LRRC4C: variants seen among roughly 807,000 people sequenced by gnomAD.
LRRC4C encodes leucine rich repeat containing 4C, also known as leucine-rich repeat-containing protein 4C.
In LRRC4C, 5 loss-of-function variants were observed where a neutral mutation model predicts 33.6. The ratio of observed to expected loss-of-function variants is 0.15; its 90% CI spans 0.08 to 0.31. The LOEUF (loss-of-function observed/expected upper bound fraction) is 0.31, where lower values mean the gene tolerates loss of function less well. Among genes scored for constraint, LRRC4C ranks in the 10% least tolerant of loss-of-function variants. The pLI is 1.00. For missense variants in LRRC4C, 560 were observed against 796.7 expected (o/e 0.70, Z 3.58); for synonymous variants, 329 against 302.0 (o/e 1.09, Z -0.93).
At chr11:41,078,437 T>C (rs191640599) in intron 1 of LRRC4C, among the ~76,000 whole-genome samples, 413 of 152,250 alleles carry the variant, frequency 2.7e-3, no homozygotes, top group Non-Finnish European at 4.6e-3. Flanking sequence ...AGAAAAGAGA[T>C]TTAATTGACT....
rs117509441 is a variant in LRRC4C at position 40,348,637 on chromosome 11, A to G, written c.-269-28916T>C. On this transcript the variant is annotated intron_variant, in intron 3 of 6. Coordinates refer to ENST00000528697, the MANE Select transcript of LRRC4C (RefSeq NM_001258419.2). ...GCTCCCAGCATCTTAGACAACAGCT[A>G]ATGAGCCTCCACCCTGCCTTCTTCA... Among the ~76,000 whole-genome samples the G allele has an allele frequency of 4.3e-3, 654 of 152,286 alleles. 6 individuals are homozygous for G. The highest frequency in any genetic ancestry group is 7.0e-3 in the Non-Finnish European group (475 of 68,034).
At chr11:40,618,286 G>A (rs914063000) in intron 3 of LRRC4C, among the ~76,000 whole-genome samples, 1 of 151,558 alleles carries the variant, frequency 6.6e-6, no homozygotes, top group Non-Finnish European at 1.5e-5. Context: ...GCCATATGAT[G>A]ATGGAGGCAG....
At chr11:41,362,292 A>G (rs998885473) in intron 1 of LRRC4C, among the ~76,000 whole-genome samples, 1 of 151,868 alleles carries the variant, frequency 6.6e-6, no homozygotes, top group Non-Finnish European at 1.5e-5. Flanking sequence ...GTGCTAAAAG[A>G]AAAAAACATT....
intron 1 of LRRC4C, among the ~76,000 whole-genome samples, chr11:41,222,077 A>G (rs1947332682): frequency 6.6e-6 from 1 of 152,206 alleles, no homozygotes; most frequent in Non-Finnish European, 1.5e-5. Flanking sequence ...TGGGCTAGAA[A>G]TAGGAGCTTG....
intron 1 of LRRC4C, among the ~76,000 whole-genome samples, chr11:41,408,163 G>A (rs1016754239): frequency 6.6e-6 from 1 of 152,148 alleles, no homozygotes; most frequent in Non-Finnish European, 1.5e-5. Flanking sequence ...GTAATAGCAA[G>A]CAAAGCTAAA....
At chr11:40,591,642 T>TA (rs1332170176) in intron 3 of LRRC4C, among the ~76,000 whole-genome samples, 1 of 152,198 alleles carries the variant, frequency 6.6e-6, no homozygotes, top group African/African-American at 2.4e-5. Context: ...AAATAGCAAA[T>TA]AATTTTGTGT....
intron 5 of LRRC4C, among the ~76,000 whole-genome samples, chr11:40,218,866 T>C (rs1322883772): frequency 6.6e-6 from 1 of 152,036 alleles, no homozygotes; most frequent in Non-Finnish European, 1.5e-5. Flanking sequence ...GCATCCACAC[T>C]GGCCTCCATG....
chr11:41,020,740 C>G (rs1457990880), intron 1 of LRRC4C, among the ~76,000 whole-genome samples: 1 of 152,198 alleles, frequency 6.6e-6, no homozygotes, highest in African/African-American at 2.4e-5. Context: ...AAGAAACTAA[C>G]ACACCTGTCT....
intron 3 of LRRC4C, among the ~76,000 whole-genome samples, chr11:40,435,295 C>A (rs1371810467): frequency 6.6e-6 from 1 of 152,182 alleles, no homozygotes; most frequent in East Asian, 1.9e-4. Context: ...CTGTGCCCAA[C>A]CATTTAAACT....
At chr11:41,408,755 A>AAAAAAAAAAAAAAAAAAAAC (rs1191106845) in intron 1 of LRRC4C, among the ~76,000 whole-genome samples, 11 of 148,102 alleles carry the variant, frequency 7.4e-5, no homozygotes, top group African/African-American at 2.9e-4. Context: ...TGTAAAAAAA[A>AAAAAAAAAAAAAAAAAAAAC]AAAAAAAAAA....
intron 2 of LRRC4C, among the ~76,000 whole-genome samples, chr11:40,717,675 T>C (rs990178568): frequency 6.6e-6 from 1 of 152,060 alleles, no homozygotes; most frequent in Non-Finnish European, 1.5e-5. Context: ...CCCCGTGTAG[T>C]CTTCTCAGCC....
At chr11:40,870,600 A>C (rs1253585686) in intron 2 of LRRC4C, among the ~76,000 whole-genome samples, 1 of 152,202 alleles carries the variant, frequency 6.6e-6, no homozygotes, top group Non-Finnish European at 1.5e-5. Flanking sequence ...CAATCTCTGA[A>C]CATAAATTGT....
chr11:40,818,034 G>C (rs1411512399), intron 2 of LRRC4C, among the ~76,000 whole-genome samples: 1 of 152,070 alleles, frequency 6.6e-6, no homozygotes, highest in Non-Finnish European at 1.5e-5. Flanking sequence ...TCTTTATTGA[G>C]TAGTTGCCTT....
chr11:40,640,895 A>C (rs2136085618), intron 3 of LRRC4C, among the ~76,000 whole-genome samples: 1 of 151,872 alleles, frequency 6.6e-6, no homozygotes, highest in African/African-American at 2.4e-5. Flanking sequence ...GGGCGCCTGT[A>C]GTCCCAGCTA....
Position 40,945,131 on chromosome 11 carries a change from G to A in LRRC4C, c.-495-11408C>T, listed in dbSNP as rs543942312. Among the ~76,000 whole-genome samples the A allele has an allele frequency of 1.6e-4, 24 of 148,312 alleles. No individual in the cohort carries two copies. The South Asian group carries it at 4.7e-3, about 29-fold the overall frequency. ...CAAGCTCTGCCTCCCGGGTTCACAT[G>A]CCATTCTCCTGCCTCAGCCTCCCGA... On this transcript the variant is annotated intron_variant, in intron 1 of 6. Transcript: ENST00000528697.
chr11:41,024,382 T>C (rs186438904), intron 1 of LRRC4C, among the ~76,000 whole-genome samples: 2 of 151,822 alleles, frequency 1.3e-5, no homozygotes, highest in East Asian at 1.9e-4. Flanking sequence ...GTTCATACTA[T>C]AGATATAAAG....
intron 3 of LRRC4C, among the ~76,000 whole-genome samples, chr11:40,510,628 G>A (rs780968400): frequency 6.6e-5 from 10 of 152,198 alleles, no homozygotes; most frequent in South Asian, 2.1e-4. Flanking sequence ...GCCTCTATCC[G>A]CAGCAAAATC....
At chr11:40,492,281 A>G (rs560358894) in intron 3 of LRRC4C, among the ~76,000 whole-genome samples, 120 of 152,276 alleles carry the variant, frequency 7.9e-4, no homozygotes, top group African/African-American at 2.6e-3. Context: ...TATTTCTAGA[A>G]CCTTTTATTA....
At chr11:40,915,149 T>A (rs12290387) in intron 2 of LRRC4C, among the ~76,000 whole-genome samples, 1 of 151,938 alleles carries the variant, frequency 6.6e-6, no homozygotes, top group East Asian at 1.9e-4. Context: ...CAATGCCGTC[T>A]CCATCAAGCT....
Sources: gnomAD v4.1 joint callset for allele counts (sites outside exome capture counted in the v4.1 genomes callset) on GRCh38, gnomAD v4.1.1 for gene constraint, MANE v1.5 for transcripts, NCBI Gene and HGNC (gene_info 2026-07-23, HGNC 2026-07-21) for gene names.